MOV10L1: variants seen among roughly 807,000 people sequenced by gnomAD.
MOV10L1 encodes Mov10 like RNA helicase 1.
A neutral mutation model predicts 143.8 loss-of-function variants in MOV10L1; 110 were observed. The ratio of observed to expected loss-of-function variants is 0.76; its 90% CI spans 0.66 to 0.90. The LOEUF (loss-of-function observed/expected upper bound fraction) is 0.90, where lower values mean the gene tolerates loss of function less well. Among genes scored for constraint, MOV10L1 ranks in the 40% least tolerant of loss-of-function variants. The probability of loss-of-function intolerance (pLI) is 0.00; values close to 1 mark genes in which losing one functional copy is unlikely to be tolerated. For missense variants in MOV10L1, 1,406 were observed against 1,526.8 expected (o/e 0.92, Z 1.32); for synonymous variants, 593 against 581.1 (o/e 1.02, Z -0.29).
At chr22:50,148,548 A>G (rs1369168377) in intron 19 of MOV10L1, among the ~76,000 whole-genome samples, 1 of 152,164 alleles carries the variant, frequency 6.6e-6, no homozygotes, top group African/African-American at 2.4e-5. Flanking sequence ...ACGGAGAAGG[A>G]AGAGCCGGAC....
chr22:50,137,554 A>T (rs2062853668), intron 15 of MOV10L1, among the ~76,000 whole-genome samples: 1 of 151,826 alleles, frequency 6.6e-6, no homozygotes, highest in Non-Finnish European at 1.5e-5. Context: ...CCAGAAAAAA[A>T]ATTAGCTGGG....
chr22:50,137,106 C>T (rs2062840684), intron 15 of MOV10L1, among the ~76,000 whole-genome samples: 1 of 152,220 alleles, frequency 6.6e-6, no homozygotes, highest in East Asian at 1.9e-4. Context: ...ATCCAGCACC[C>T]AGCAAGGTAT....
intron 19 of MOV10L1, among the ~76,000 whole-genome samples, chr22:50,147,842 T>G (rs968276243): frequency 6.6e-6 from 1 of 152,256 alleles, no homozygotes; most frequent in Non-Finnish European, 1.5e-5. Flanking sequence ...GTTTGCTGAT[T>G]TCCACATCTT....
intron 15 of MOV10L1, among the ~76,000 whole-genome samples, chr22:50,135,607 C>T (rs1361228784): frequency 2.0e-5 from 3 of 151,844 alleles, no homozygotes; most frequent in Non-Finnish European, 2.9e-5. Context: ...AAAAATTAGC[C>T]GGGCATGATG....
At chr22:50,109,957 T>C (rs2061978813) in intron 5 of MOV10L1, among the ~76,000 whole-genome samples, 1 of 152,068 alleles carries the variant, frequency 6.6e-6, no homozygotes, top group African/African-American at 2.4e-5. Flanking sequence ...GAGACCAGCC[T>C]GGCCAATATG....
intron 10 of MOV10L1, among the ~76,000 whole-genome samples, chr22:50,124,103 G>T (rs1439175209): frequency 6.6e-6 from 1 of 151,960 alleles, no homozygotes; most frequent in Non-Finnish European, 1.5e-5. Flanking sequence ...CTGGTTTTCT[G>T]TATTGTTTTT....
At chr22:50,122,448 A>G (rs1033461972) in intron 10 of MOV10L1, among the ~76,000 whole-genome samples, 1 of 152,180 alleles carries the variant, frequency 6.6e-6, no homozygotes, top group Non-Finnish European at 1.5e-5. Flanking sequence ...TTTTTGTGGA[A>G]TCTTTTAGAG....
At chr22:50,153,886 C>T (rs904426233) in intron 22 of MOV10L1, among the ~76,000 whole-genome samples, 6 of 151,720 alleles carry the variant, frequency 4.0e-5, no homozygotes, top group Middle Eastern at 3.2e-3. Context: ...GGGCTGCACC[C>T]GGGCCACACG....
Position 50,099,540 on chromosome 22 carries a change from T to C in MOV10L1, c.380T>C (p.Leu127Pro), listed in dbSNP as rs1248082334. The stretch of plus-strand genomic sequence containing the variant: ...GTGTTGATTGGCTGTGTGACTTCCC[T>C]GGTGGAGGGCGCAGGCTGTATCAGT... ...PRVLIGCVTS[L>P]VEGAGCISQT... The change falls in exon 3 of 27, where the codon CTG becomes CCG. Residue 127 changes from leucine to proline, a missense_variant. Around this residue, in one of 3 missense-constraint regions of MOV10L1, gnomAD observed 7 missense variants for 21.4 expected, o/e 0.33. Transcript: ENST00000262794. 1 of 1,614,108 alleles carries C rather than the reference T, an allele frequency of 6.2e-7. No individual in the cohort carries two copies.
chr22:50,094,810 G>C (rs557195342), intron 2 of MOV10L1: 1 of 152,072 alleles, frequency 6.6e-6, no homozygotes, highest in Non-Finnish European at 1.5e-5. Flanking sequence ...CTAATGCTTA[G>C]TATCATCTTT....
intron 13 of MOV10L1, among the ~76,000 whole-genome samples, chr22:50,133,013 C>T (rs13053165): frequency 0.22 from 33,996 of 151,208 alleles, 4,203 homozygotes; most frequent in Admixed American, 0.35. Flanking sequence ...CCAGCCTGGG[C>T]GACAGAGCAA....
At chr22:50,105,557 T>G (rs1362165288) in intron 3 of MOV10L1, among the ~76,000 whole-genome samples, 1 of 152,228 alleles carries the variant, frequency 6.6e-6, no homozygotes, top group East Asian at 1.9e-4. Context: ...CAGCTTTATT[T>G]TCAATAACTA....
intron 16 of MOV10L1, 51 bp downstream of exon 16, chr22:50,142,240 G>A (rs755127638): frequency 1.4e-6 from 2 of 1,467,592 alleles, no homozygotes; most frequent in Admixed American, 2.0e-5. Flanking sequence ...ACTGTCGCCT[G>A]GAAAACGGGG....
chr22:50,116,177 G>A (rs924282951), intron 8 of MOV10L1, among the ~76,000 whole-genome samples: 1 of 150,862 alleles, frequency 6.6e-6, no homozygotes, highest in African/African-American at 2.4e-5. Context: ...TGTGTGAGGT[G>A]CAGCCAGCTT....
intron 2 of MOV10L1, chr22:50,095,488 G>C (rs2062566082): frequency 6.6e-6 from 1 of 152,034 alleles, no homozygotes; most frequent in East Asian, 1.9e-4. Context: ...GAGTACTCTG[G>C]GTTCAGAATC....
At chr22:50,140,936 TG>T (rs1437493297) in intron 15 of MOV10L1, among the ~76,000 whole-genome samples, 2 of 152,156 alleles carry the variant, frequency 1.3e-5, no homozygotes, top group African/African-American at 4.8e-5. Context: ...ATGAAAATAA[TG>T]AAGTTATTTA....
intron 2 of MOV10L1, chr22:50,092,767 C>T (rs2062484747): frequency 6.6e-6 from 1 of 152,276 alleles, no homozygotes; most frequent in Non-Finnish European, 1.5e-5. Flanking sequence ...TATTTTCTTG[C>T]TTTTTCAACA....
chr22:50,158,302 G>A lies in MOV10L1; in HGVS notation c.3216+96G>A, dbSNP rs1465869797. The A allele has an allele frequency of 6.8e-7, 1 of 1,481,474 alleles. No homozygotes were observed. Among genetic ancestry groups the A allele is most frequent in the African/African-American group, 1.4e-5 (1 of 71,368 alleles). 91.8% of individuals were successfully genotyped at this position (1,481,474 alleles called of 1,614,324 possible). A position where few individuals can be genotyped will look rare whatever the true frequency, so the allele number is the denominator to read the frequency against. Reference sequence around the variant, plus strand: ...ACAGAGGCAGGAACAAGCTCCTTGTGAGCAGCAGCAGGTTTTTAAAGGGGC... The same window carrying A: ...ACAGAGGCAGGAACAAGCTCCTTGTAAGCAGCAGCAGGTTTTTAAAGGGGC... On this transcript the variant is annotated intron_variant, in intron 23 of 26. Transcript: ENST00000262794. This position sits in a 1 kb window ranked among gnomAD's most constrained non-coding sequence, Gnocchi z 5.0.
Position 50,117,214 on chromosome 22 carries a change from G to T in MOV10L1, c.1317G>T (p.Gly439=). 3.1e-6 allele frequency: 5 copies of T among 1,613,814 alleles called. No individual in the cohort carries two copies. Among genetic ancestry groups the T allele is most frequent in the Non-Finnish European group, 4.2e-6 (5 of 1,179,894 alleles). The change falls in exon 9 of 27, where the codon GGG becomes GGT. Residue 439 remains glycine (G), a synonymous_variant. Transcript: ENST00000262794. ...LLLCFSDFLI[G]RYLEVNVISG... is the part of the protein sequence containing the mutation. ...TCTGTTTTTCCGATTTCCTAATTGGGCGATACCTTGAAGTAAATGTTATCA... is the reference window on the plus strand; with the variant it reads ...TCTGTTTTTCCGATTTCCTAATTGGTCGATACCTTGAAGTAAATGTTATCA...
Sources: gnomAD v4.1 joint callset for allele counts (sites outside exome capture counted in the v4.1 genomes callset) on GRCh38, gnomAD v4.1.1 for gene constraint, gnomAD v4.1.1 regional missense constraint, Gnocchi (gnomAD v3.1) non-coding constraint, MANE v1.5 for transcripts, NCBI Gene and HGNC (gene_info 2026-07-23, HGNC 2026-07-21) for gene names.